Variants in VIRMA observed in about 807,000 individuals in gnomAD.
VIRMA encodes the protein vir like m6A methyltransferase associated.
Under a neutral mutation model 182.4 loss-of-function variants are expected in VIRMA, and 65 were observed. That is an observed-to-expected ratio of 0.36 (90% confidence interval 0.29 to 0.44). VIRMA has a LOEUF of 0.44. Ranked by LOEUF, VIRMA falls within the 20% of genes least tolerant of loss-of-function variation. The pLI, the probability that VIRMA is intolerant of heterozygous loss-of-function variation, is 1.00. For missense variants in VIRMA, 1,752 were observed against 2,158.1 expected, an observed-to-expected ratio of 0.81 and a Z score of 3.73; for synonymous variants, 709 against 743.1, an observed-to-expected ratio of 0.95 and a Z score of 0.75.
At chr8:94,517,169 A>G (rs1006435836) in intron 10 of VIRMA, among the ~76,000 whole-genome samples, 7 of 152,222 alleles carry the variant, frequency 4.6e-5, no homozygotes, top group Non-Finnish European at 7.3e-5. Context: ...ATACACAGCA[A>G]AACACACAAA....
chr8:94,543,911 G>A lies in VIRMA; in HGVS notation c.95C>T (p.Pro32Leu). The A allele has an allele frequency of 1.2e-6, 2 of 1,611,760 alleles. No individual in the cohort carries two copies. The highest frequency in any genetic ancestry group is 1.7e-6 in the Non-Finnish European group (2 of 1,178,566). The change falls in exon 2 of 24, where the codon CCA becomes CTA. Residue 32 changes from proline (P) to leucine (L), a missense_variant. Transcript: ENST00000297591. ...QSSHIDVVRF[P>L]CVVYINEVRV... ...GACTTCATTGATATAAACCACACAT[G>A]GAAAACGAACCACATCTATATGAGA...
intron 20 of VIRMA, 152 bp downstream of exon 20, chr8:94,494,708 T>G: frequency 6.4e-6 from 3 of 471,884 alleles, no homozygotes; most frequent in Non-Finnish European, 1.1e-5. Context: ...CTGGATGCCA[T>G]GAAGTGGGCA....
intron 1 of VIRMA, among the ~76,000 whole-genome samples, chr8:94,547,882 A>AT (rs1586117350): frequency 6.7e-6 from 1 of 149,568 alleles, no homozygotes; most frequent in East Asian, 1.9e-4. Flanking sequence ...AAAAAAAAAA[A>AT]AAACTTTAAA....
intron 5 of VIRMA, chr8:94,534,194 T>C (rs1815261128): frequency 6.6e-6 from 1 of 152,230 alleles, no homozygotes; most frequent in African/African-American, 2.4e-5. Context: ...CTACATTAGT[T>C]AAGATGTAGA....
rs1814297840 is a variant in VIRMA, at chr8:94,509,758, G to A, written c.3809C>T (p.Pro1270Leu). ...FQDLLALVRS[P>L]GDSVIRQQCV... ...CTGTTGGCGAATAACACTGTCTCCA[G>A]GAGACCGCACCAAAGCTAAAAGATC... Residue 1270 changes from proline to leucine, a missense_variant, in exon 15 of 24, where the codon CCT becomes CTT. Around this residue, in one of 11 missense-constraint regions of VIRMA, gnomAD observed 777 missense variants for 920.6 expected, o/e 0.84. Coordinates refer to ENST00000297591, the MANE Select transcript of VIRMA (RefSeq NM_015496.5). 6.2e-7 allele frequency: 1 copy of A among 1,613,892 alleles called. No individual in the cohort carries two copies. Among genetic ancestry groups the A allele is most frequent in the Non-Finnish European group, 8.5e-7 (1 of 1,179,946 alleles).
intron 8 of VIRMA, among the ~76,000 whole-genome samples, chr8:94,521,455 T>C (rs1430599537): frequency 6.6e-6 from 1 of 152,230 alleles, no homozygotes; most frequent in Non-Finnish European, 1.5e-5. Flanking sequence ...CATCGTATTT[T>C]TTCAAATACT....
chr8:94,496,683 T>C (rs1424022785), intron 17 of VIRMA: 1 of 436,392 alleles, frequency 2.3e-6, no homozygotes, highest in Non-Finnish European at 4.0e-6. Flanking sequence ...AATATTTAAA[T>C]AAGCAAACAT....
chr8:94,514,337 A>T (rs987313654), intron 11 of VIRMA, among the ~76,000 whole-genome samples: 6 of 152,218 alleles, frequency 3.9e-5, no homozygotes, highest in African/African-American at 1.4e-4. Context: ...GAATTATTTA[A>T]ATTGAATATA....
intron 19 of VIRMA, among the ~76,000 whole-genome samples, chr8:94,495,279 T>C (rs1010910542): frequency 2.6e-5 from 4 of 152,288 alleles, no homozygotes; most frequent in East Asian, 1.9e-4. Flanking sequence ...GCTGGGATTA[T>C]AGTCGTGAGC....
Position 94,522,466 on chromosome 8 carries a change from G to C in VIRMA, c.2022-2990C>G, listed in dbSNP as rs994711416. ...GGTGCTCTTGGGGAACCTGACATAG[G>C]ACAATAGAGCCTTGCCACCACTTCA... On this transcript the variant is annotated intron_variant, in intron 8 of 23. Coordinates refer to ENST00000297591, the MANE Select transcript of VIRMA (RefSeq NM_015496.5). 1.9e-4 allele frequency among the ~76,000 whole-genome samples: 29 copies of C among 152,206 alleles called. No homozygotes were observed. The South Asian group carries it at 3.9e-3, about 21-fold the overall frequency.
In VIRMA at chr8:94,500,052, CAA is replaced by C. The variant is rs6150715; in HGVS notation, c.4098-548_4098-547del. Among the ~76,000 whole-genome samples, 528 of 82,506 alleles carry C rather than the reference CAA, an allele frequency of 6.4e-3. 4 individuals are homozygous for C. Among genetic ancestry groups the C allele is most frequent in the African/African-American group, 0.021 (457 of 22,158 alleles). 54.1% of individuals were successfully genotyped at this position (82,506 alleles called of 152,430 possible). ...TGAAGGACAGAGTGAGGCTTCATCT[CAA>C]AAAAAAAAAAAAAAAAAAAACTTAA... is the stretch of plus-strand genomic sequence containing the variant. On this transcript the variant is annotated intron_variant, in intron 16 of 23. Coordinates refer to ENST00000297591, the MANE Select transcript of VIRMA (RefSeq NM_015496.5).
At chr8:94,535,913 A>G (rs891151657) in intron 4 of VIRMA, among the ~76,000 whole-genome samples, 1 of 152,246 alleles carries the variant, frequency 6.6e-6, no homozygotes, top group Non-Finnish European at 1.5e-5. Context: ...AGAAAAAATA[A>G]CTTCATGCTT....
chr8:94,498,450 G>A (rs1485739011), intron 17 of VIRMA: 1 of 152,174 alleles, frequency 6.6e-6, no homozygotes, highest in Non-Finnish European at 1.5e-5. Context: ...ATTCTGAGTT[G>A]CCCTAGCAAG....
chr8:94,508,710 A>G (rs1814251862), intron 15 of VIRMA, among the ~76,000 whole-genome samples: 1 of 152,176 alleles, frequency 6.6e-6, no homozygotes, highest in Non-Finnish European at 1.5e-5. Context: ...AAAAAAAAAA[A>G]AAAGTTCTTT....
intron 1 of VIRMA, among the ~76,000 whole-genome samples, chr8:94,547,294 G>A (rs1815803940): frequency 6.6e-6 from 1 of 151,124 alleles, no homozygotes; most frequent in South Asian, 2.1e-4. Context: ...TAGGAAAACA[G>A]GTTAACAATG....
chr8:94,489,149 A>T (rs74734480), intron 23 of VIRMA, among the ~76,000 whole-genome samples: 2,539 of 151,818 alleles, frequency 0.017, 38 homozygotes, highest in South Asian at 0.091. Context: ...TAAATGTTTT[A>T]AAAAAAAAGG....
intron 3 of VIRMA, among the ~76,000 whole-genome samples, chr8:94,537,992 A>G (rs1385109626): frequency 6.6e-6 from 1 of 152,254 alleles, no homozygotes. Context: ...GGTTACTATC[A>G]TGTGTGAAAG....
At chr8:94,539,804 C>A (rs1411294245) in intron 2 of VIRMA, among the ~76,000 whole-genome samples, 2 of 152,120 alleles carry the variant, frequency 1.3e-5, no homozygotes, top group Admixed American at 6.6e-5. Context: ...GAGGACTCTG[C>A]CCTCATGAAT....
chr8:94,506,733 A>C lies in VIRMA; in HGVS notation c.3880-16T>G, dbSNP rs757971408. On this transcript the variant is annotated splice_polypyrimidine_tract_variant and intron_variant, in intron 15 of 23. Coordinates refer to ENST00000297591, the MANE Select transcript of VIRMA (RefSeq NM_015496.5). ...GTGCAATGTCCTGTGGGGAGCAGGG[A>C]AAAAAAAATCGATTTTTTAAATAAT... is the stretch of plus-strand genomic sequence containing the variant. The C allele has an allele frequency of 8.7e-6, 13 of 1,489,750 alleles. No homozygotes were observed. Among genetic ancestry groups the C allele is most frequent in the Non-Finnish European group, 1.1e-5 (12 of 1,098,322 alleles). 92.3% of individuals were successfully genotyped at this position (1,489,750 alleles called of 1,614,324 possible). A position where few individuals can be genotyped will look rare whatever the true frequency, so the allele number is the denominator to read the frequency against.
Sources: allele counts gnomAD v4.1 joint callset (sites outside exome capture counted in the v4.1 genomes callset), GRCh38; gene constraint gnomAD v4.1.1; regional missense constraint gnomAD v4.1.1; transcripts MANE v1.5; gene names NCBI Gene and HGNC (gene_info 2026-07-23, HGNC 2026-07-21).